The following GRM7 variants were observed in gnomAD, a reference collection of about 807,000 sequenced individuals.
GRM7 encodes the protein metabotropic glutamate receptor 7.
Under a neutral mutation model 84.5 loss-of-function variants are expected in GRM7, and 35 were observed. The observed-to-expected ratio is 0.41, with a 90% CI of 0.32 to 0.55. The LOEUF (loss-of-function observed/expected upper bound fraction) is 0.55. GRM7 is among the 20% of genes least tolerant of loss of function. GRM7 has a pLI of 0.19. For missense variants in GRM7, 1,003 were observed against 1,194.6 expected, an observed-to-expected ratio of 0.84 and a Z score of 2.36; for synonymous variants, 487 against 455.1, an observed-to-expected ratio of 1.07 and a Z score of -0.89.
At chr3:6,883,773 C>T (rs1695593941) in intron 1 of GRM7, among the ~76,000 whole-genome samples, 1 of 152,216 alleles carries the variant, frequency 6.6e-6, no homozygotes, top group Admixed American at 6.5e-5. Flanking sequence ...TCATCCAAAA[C>T]AGCAAGGACT....
rs1694848257 is a variant in GRM7 at position 6,863,866 on chromosome 3, CTCTG to C, written c.519+1964_519+1967del. Among the ~76,000 whole-genome samples the C allele has an allele frequency of 6.6e-6, 1 of 152,118 alleles. No homozygotes were observed. The highest frequency in any genetic ancestry group is 2.4e-5 in the African/African-American group (1 of 41,416). ...TGGGCAGTACTGCGGATCAGCCTGT[CTCTG>C]TCTGAAAAAAGAGTGAAATGTTAAA... On this transcript the variant is annotated intron_variant, in intron 1 of 9. Coordinates refer to ENST00000357716, the MANE Select transcript of GRM7 (RefSeq NM_000844.4). This position sits in a 1 kb window ranked among gnomAD's most constrained non-coding sequence, Gnocchi z 4.8.
intron 4 of GRM7, among the ~76,000 whole-genome samples, chr3:7,400,303 C>T (rs1695395897): frequency 6.6e-6 from 1 of 152,150 alleles, no homozygotes; most frequent in South Asian, 2.1e-4. Context: ...TGTCACTCAA[C>T]AAATAGGAAT....
intron 8 of GRM7, among the ~76,000 whole-genome samples, chr3:7,673,186 C>T (rs748502863): frequency 5.3e-4 from 81 of 152,230 alleles, no homozygotes; most frequent in Non-Finnish European, 1.0e-3. Flanking sequence ...CTGTCATCCT[C>T]GCTCCAGTAA....
chr3:6,986,662 T>C (rs1012173463), intron 1 of GRM7, among the ~76,000 whole-genome samples: 2 of 152,168 alleles, frequency 1.3e-5, no homozygotes, highest in African/African-American at 4.8e-5. Flanking sequence ...GGCTGCTGTG[T>C]TTTTTGACTT....
At chr3:7,464,743 G>T (rs1263968861) in intron 7 of GRM7, among the ~76,000 whole-genome samples, 1 of 151,054 alleles carries the variant, frequency 6.6e-6, no homozygotes, top group Non-Finnish European at 1.5e-5. Flanking sequence ...CAGGAGAATG[G>T]CATGAACCCA....
chr3:7,167,532 A>G (rs1156887666), intron 2 of GRM7, among the ~76,000 whole-genome samples: 1 of 152,200 alleles, frequency 6.6e-6, no homozygotes, highest in Non-Finnish European at 1.5e-5. Context: ...TTCAAGGCAG[A>G]CTAGAACAAG....
At chr3:7,633,096 ACT>A in intron 8 of GRM7, among the ~76,000 whole-genome samples, 1 of 152,234 alleles carries the variant, frequency 6.6e-6, no homozygotes, top group South Asian at 2.1e-4. Flanking sequence ...TGGGTATAAA[ACT>A]CTAAAAATGG....
chr3:7,349,882 T>G (rs1693058693), intron 4 of GRM7, among the ~76,000 whole-genome samples: 1 of 152,174 alleles, frequency 6.6e-6, no homozygotes, highest in Non-Finnish European at 1.5e-5. Flanking sequence ...CTCCTCTTTT[T>G]TTTCTTTTCA....
intron 1 of GRM7, among the ~76,000 whole-genome samples, chr3:7,063,077 A>G: frequency 6.6e-6 from 1 of 151,696 alleles, no homozygotes; most frequent in East Asian, 1.9e-4. Context: ...CAAGTAGCAC[A>G]AGCCAAAGGT....
chr3:7,542,449 C>T (rs543284389), intron 7 of GRM7, among the ~76,000 whole-genome samples: 3 of 152,276 alleles, frequency 2.0e-5, no homozygotes, highest in South Asian at 2.1e-4. Flanking sequence ...TAAGATTTCA[C>T]CTCCTCTGAG....
intron 2 of GRM7, among the ~76,000 whole-genome samples, chr3:7,212,386 T>C (rs1696460400): frequency 6.6e-6 from 1 of 152,104 alleles, no homozygotes; most frequent in Admixed American, 6.5e-5. Context: ...ATCCATCAAT[T>C]CATCTATCCA....
intron 2 of GRM7, among the ~76,000 whole-genome samples, chr3:7,280,639 G>A (rs986746147): frequency 1.3e-5 from 2 of 152,164 alleles, no homozygotes; most frequent in African/African-American, 4.8e-5. Flanking sequence ...GCCCAGTAGC[G>A]CTGGCATATA....
chr3:7,214,372 C>T (rs1696532133), intron 2 of GRM7, among the ~76,000 whole-genome samples: 1 of 152,166 alleles, frequency 6.6e-6, no homozygotes, highest in African/African-American at 2.4e-5. Context: ...AAACAATGTT[C>T]TAAGTGTTCG....
At position 7,189,734 on chromosome 3, in the gene GRM7, T is replaced by C. The variant is rs543273243; in HGVS notation, c.736+43066T>C. The stretch of plus-strand genomic sequence containing the variant: ...TGTACCTATAAGCAAGGAGAAACAG[T>C]AATAAAAATAATTCTTGACACCTAT... On this transcript the variant is annotated intron_variant, in intron 2 of 9. Transcript: ENST00000357716. 3.3e-5 allele frequency among the ~76,000 whole-genome samples: 5 copies of C among 152,238 alleles called. No homozygotes were observed. The South Asian group carries it at 8.3e-4, about 25-fold the overall frequency.
intron 1 of GRM7, among the ~76,000 whole-genome samples, chr3:6,915,368 C>G (rs188483469): frequency 6.6e-6 from 1 of 152,028 alleles, no homozygotes; most frequent in Non-Finnish European, 1.5e-5. Flanking sequence ...CATGTTGTAC[C>G]TTGGAGATGA....
rs536770178 is a variant in GRM7 at position 7,533,064 on chromosome 3, A to T, written c.1516-45358A>T. On this transcript the variant is annotated intron_variant, in intron 7 of 9. Coordinates refer to ENST00000357716, the MANE Select transcript of GRM7 (RefSeq NM_000844.4). ...ACAATAATGGAGAATTTAACACCCC[A>T]CTGTCAATATTAGACAGATCAACAA... 4.8e-4 allele frequency among the ~76,000 whole-genome samples: 73 copies of T among 152,232 alleles called. 1 individual carries two copies. The highest frequency in any genetic ancestry group is 8.5e-4 in the Non-Finnish European group (58 of 68,000).
intron 7 of GRM7, among the ~76,000 whole-genome samples, chr3:7,488,449 A>G (rs146008856): frequency 6.6e-6 from 1 of 152,132 alleles, no homozygotes; most frequent in Admixed American, 6.6e-5. Flanking sequence ...GTCATGAGGG[A>G]TCTACTCTCA....
intron 1 of GRM7, among the ~76,000 whole-genome samples, chr3:7,117,213 G>T (rs1002964849): frequency 3.3e-5 from 5 of 152,144 alleles, no homozygotes; most frequent in Admixed American, 2.6e-4. Flanking sequence ...GTGCTGTGTT[G>T]TGTCCTGGCA....
chr3:7,067,948 C>G (rs1697726466), intron 1 of GRM7, among the ~76,000 whole-genome samples: 1 of 151,908 alleles, frequency 6.6e-6, no homozygotes, highest in Non-Finnish European at 1.5e-5. Flanking sequence ...ACGTAAAGAA[C>G]TCACCTTGCA....
Sources: allele counts gnomAD v4.1 joint callset (sites outside exome capture counted in the v4.1 genomes callset), GRCh38; gene constraint gnomAD v4.1.1; non-coding constraint Gnocchi (gnomAD v3.1); transcripts MANE v1.5; gene names NCBI Gene and HGNC (gene_info 2026-07-23, HGNC 2026-07-21).